Variants in LDB2 observed in about 807,000 individuals in gnomAD.
LDB2 encodes LIM domain-binding protein 2.
LDB2 carries 12 observed loss-of-function variants against 44.3 expected under a neutral mutation model. That is an observed-to-expected ratio of 0.27 (90% CI 0.17 to 0.44). LDB2 has a LOEUF of 0.44. LDB2 is among the 20% of genes least tolerant of loss of function. The probability of loss-of-function intolerance (pLI) is 1.00; values close to 1 mark genes in which losing one functional copy is unlikely to be tolerated. For synonymous variants in LDB2, 164 were observed against 174.8 expected, an observed-to-expected ratio of 0.94 and a Z score of 0.49; for missense variants, 344 against 473.5, an observed-to-expected ratio of 0.73 and a Z score of 2.54.
intron 2 of LDB2, among the ~76,000 whole-genome samples, chr4:16,665,541 AG>A (rs1742867908): frequency 2.0e-5 from 3 of 152,154 alleles, no homozygotes; most frequent in Non-Finnish European, 4.4e-5. Flanking sequence ...CTGGGATTAC[AG>A]GCGTGAGCCA....
chr4:16,868,665 A>AT (rs1475107736), intron 1 of LDB2, among the ~76,000 whole-genome samples: 1 of 152,250 alleles, frequency 6.6e-6, no homozygotes, highest in African/African-American at 2.4e-5. Flanking sequence ...GACTGAAGTG[A>AT]TTGCAACCAT....
chr4:16,683,631 G>T (rs568011812), intron 2 of LDB2, among the ~76,000 whole-genome samples: 1 of 152,220 alleles, frequency 6.6e-6, no homozygotes, highest in South Asian at 2.1e-4. Context: ...TTCTATCAGT[G>T]AAGACCATTG....
chr4:16,698,076 G>A (rs1752611865), intron 2 of LDB2, among the ~76,000 whole-genome samples: 1 of 152,134 alleles, frequency 6.6e-6, no homozygotes, highest in South Asian at 2.1e-4. Context: ...TTAATAATAT[G>A]TCTTGGAAAG....
intron 1 of LDB2, among the ~76,000 whole-genome samples, chr4:16,854,089 T>C (rs1191148535): frequency 5.9e-5 from 9 of 152,054 alleles, no homozygotes; most frequent in Admixed American, 5.9e-4. Flanking sequence ...CTATAGGTAA[T>C]ATAACTGTAT....
At chr4:16,625,143 C>T (rs931169698) in intron 2 of LDB2, among the ~76,000 whole-genome samples, 1 of 152,116 alleles carries the variant, frequency 6.6e-6, no homozygotes, top group Non-Finnish European at 1.5e-5. Flanking sequence ...TTCTCTGCAT[C>T]ATCTCATACC....
intron 5 of LDB2, among the ~76,000 whole-genome samples, chr4:16,520,908 A>C (rs1238777026): frequency 6.6e-6 from 1 of 152,088 alleles, no homozygotes; most frequent in African/African-American, 2.4e-5. Context: ...CTCTGATTCT[A>C]CAGCCATAAT....
intron 1 of LDB2, among the ~76,000 whole-genome samples, chr4:16,887,262 G>A (rs542422365): frequency 4.0e-5 from 6 of 151,608 alleles, no homozygotes; most frequent in African/African-American, 1.4e-4. Context: ...AACCTGAGAT[G>A]GCTTATGAAT....
chr4:16,689,268 C>T (rs1188873046), intron 2 of LDB2, among the ~76,000 whole-genome samples: 1 of 152,200 alleles, frequency 6.6e-6, no homozygotes, highest in Non-Finnish European at 1.5e-5. Flanking sequence ...TAGCTTTTCC[C>T]TTCCTCCGCT....
At chr4:16,863,740 A>T (rs1713583253) in intron 1 of LDB2, among the ~76,000 whole-genome samples, 2 of 141,236 alleles carry the variant, frequency 1.4e-5, no homozygotes, top group African/African-American at 5.4e-5. Context: ...GGCTCACTGC[A>T]AGCTCTGCCT....
intron 2 of LDB2, among the ~76,000 whole-genome samples, chr4:16,605,798 C>T (rs1454380633): frequency 6.6e-6 from 1 of 152,144 alleles, no homozygotes; most frequent in Non-Finnish European, 1.5e-5. Flanking sequence ...CAGAGACCTC[C>T]CCGCCCTGCT....
chr4:16,711,857 C>A (rs532981615), intron 2 of LDB2, among the ~76,000 whole-genome samples: 1 of 152,220 alleles, frequency 6.6e-6, no homozygotes, highest in East Asian at 1.9e-4. Context: ...GTCTTTTTAA[C>A]AAATGGTGCT....
At chr4:16,763,796 C>T (rs1561145598) in intron 1 of LDB2, among the ~76,000 whole-genome samples, 1 of 152,158 alleles carries the variant, frequency 6.6e-6, no homozygotes, top group Admixed American at 6.5e-5. Flanking sequence ...GTTATACTGA[C>T]TTGCACATAT....
chr4:16,805,098 A>C (rs1379914589), intron 1 of LDB2, among the ~76,000 whole-genome samples: 2 of 152,028 alleles, frequency 1.3e-5, no homozygotes, highest in Non-Finnish European at 2.9e-5. Context: ...GGAGATGGAG[A>C]GAGAGAGAAG....
At chr4:16,554,560 G>C (rs949882476) in intron 5 of LDB2, among the ~76,000 whole-genome samples, 15 of 152,244 alleles carry the variant, frequency 9.9e-5, no homozygotes, top group South Asian at 4.1e-4. Flanking sequence ...AAAATGCACT[G>C]ATGCATTCAA....
chr4:16,797,139 T>A (rs948151684), intron 1 of LDB2, among the ~76,000 whole-genome samples: 1 of 152,114 alleles, frequency 6.6e-6, no homozygotes, highest in Non-Finnish European at 1.5e-5. Flanking sequence ...AATCCTCAAG[T>A]CCTGCAGTCA....
chr4:16,556,893 A>G (rs1003219420), intron 5 of LDB2, among the ~76,000 whole-genome samples: 1 of 152,216 alleles, frequency 6.6e-6, no homozygotes, highest in Non-Finnish European at 1.5e-5. Context: ...GGCAGATTCT[A>G]AAATTTTCCA....
chr4:16,688,733 A>T (rs995072140), intron 2 of LDB2, among the ~76,000 whole-genome samples: 3 of 152,246 alleles, frequency 2.0e-5, no homozygotes, highest in African/African-American at 7.2e-5. Flanking sequence ...TCTCCACACC[A>T]AATACCAAAT....
intron 2 of LDB2, among the ~76,000 whole-genome samples, chr4:16,673,671 T>C (rs1487090372): frequency 6.6e-6 from 1 of 152,180 alleles, no homozygotes; most frequent in Non-Finnish European, 1.5e-5. Flanking sequence ...CAATTGGCAA[T>C]GTCTAGAGAC....
chr4:16,836,953 A>G (rs1173931377), intron 1 of LDB2, among the ~76,000 whole-genome samples: 2 of 152,216 alleles, frequency 1.3e-5, no homozygotes, highest in African/African-American at 4.8e-5. Flanking sequence ...ATGGTCATTC[A>G]TATTACACAC....
Sources: allele counts gnomAD v4.1 joint callset (sites outside exome capture counted in the v4.1 genomes callset), GRCh38; gene constraint gnomAD v4.1.1; transcripts MANE v1.5; gene names NCBI Gene and HGNC (gene_info 2026-07-23, HGNC 2026-07-21).